HS6ST2: variants seen among roughly 807,000 people sequenced by gnomAD.
The protein encoded by HS6ST2 is heparan sulfate 6-O-sulfotransferase 2.
In HS6ST2, 17 loss-of-function variants were observed where a neutral mutation model predicts 33.0. The ratio of observed to expected loss-of-function variants is 0.52; its 90% CI spans 0.35 to 0.77. The LOEUF is 0.77. Among genes scored for constraint, HS6ST2 ranks in the 30% least tolerant of loss-of-function variants. The pLI is 0.01. For missense variants in HS6ST2, 519 were observed against 551.7 expected (o/e 0.94, Z 0.59); for synonymous variants, 248 against 237.1 (o/e 1.05, Z -0.42).
intron 3 of HS6ST2, among the ~76,000 whole-genome samples, chrX:132,698,696 T>C (rs2064120942): frequency 1.8e-5 from 2 of 111,564 alleles, no homozygotes; most frequent in South Asian, 7.6e-4. Context: ...CCACAAAGGA[T>C]AAGTTTGCCC....
intron 2 of HS6ST2, among the ~76,000 whole-genome samples, chrX:132,879,600 C>G (rs1412062387): frequency 8.9e-6 from 1 of 111,945 alleles, no homozygotes; most frequent in African/African-American, 3.2e-5. Context: ...GGAGGCTTAG[C>G]CAGGCTGTTA....
chrX:132,953,448 A>G (rs1391729440), intron 2 of HS6ST2, among the ~76,000 whole-genome samples: 1 of 111,736 alleles, frequency 8.9e-6, no homozygotes, highest in African/African-American at 3.3e-5. Flanking sequence ...CCAAGCACTT[A>G]ACCATCCGCG....
At chrX:132,893,105 C>T (rs1195918383) in intron 2 of HS6ST2, among the ~76,000 whole-genome samples, 2 of 111,826 alleles carry the variant, frequency 1.8e-5, no homozygotes, top group Non-Finnish European at 3.8e-5. Context: ...GTACATACTG[C>T]GTTTGAGAAG....
intron 2 of HS6ST2, among the ~76,000 whole-genome samples, chrX:132,759,679 TA>T (rs201495874): frequency 1.8e-5 from 2 of 110,828 alleles, no homozygotes; most frequent in Non-Finnish European, 3.8e-5. Context: ...TTCACCCCAA[TA>T]AAAAAAAGCA....
At chrX:132,897,277 G>A (rs2066385399) in intron 2 of HS6ST2, among the ~76,000 whole-genome samples, 1 of 109,889 alleles carries the variant, frequency 9.1e-6, no homozygotes, top group Non-Finnish European at 1.9e-5. Context: ...GGGGGGAGCG[G>A]GGGCAAGGGA....
intron 2 of HS6ST2, among the ~76,000 whole-genome samples, chrX:132,857,524 C>A (rs1322183277): frequency 9.0e-6 from 1 of 110,644 alleles, no homozygotes. Flanking sequence ...AAAGTACATC[C>A]TTGTTATTTT....
intron 2 of HS6ST2, among the ~76,000 whole-genome samples, chrX:132,806,992 G>A (rs2065290003): frequency 9.1e-6 from 1 of 110,412 alleles, no homozygotes; most frequent in African/African-American, 3.3e-5. Context: ...TACAAATGAG[G>A]ACATTGAGAC....
chrX:132,864,321 T>G (rs1243200389), intron 2 of HS6ST2, among the ~76,000 whole-genome samples: 2 of 108,853 alleles, frequency 1.8e-5, no homozygotes, highest in Admixed American at 1.0e-4. Flanking sequence ...AAGGAGCACA[T>G]TCTAACCCAA....
At chrX:132,705,898 C>T (rs775208082) in intron 3 of HS6ST2, among the ~76,000 whole-genome samples, 3 of 112,099 alleles carry the variant, frequency 2.7e-5, no homozygotes, top group African/African-American at 9.7e-5. Flanking sequence ...CATAGAACAT[C>T]TCCTTTCACA....
At chrX:132,704,847 T>C (rs1320102161) in intron 3 of HS6ST2, among the ~76,000 whole-genome samples, 3 of 111,882 alleles carry the variant, frequency 2.7e-5, no homozygotes, top group Admixed American at 9.5e-5. Flanking sequence ...ACTTGTGCCT[T>C]GTTTTCAACC....
chrX:132,960,175 C>A (rs2067133441), upstream of HS6ST2, among the ~76,000 whole-genome samples: 1 of 111,909 alleles, frequency 8.9e-6, no homozygotes, highest in Admixed American at 9.4e-5. Flanking sequence ...TCCCCAAGAG[C>A]TCCCCTGGTG....
chrX:132,817,260 C>T (rs774539793), intron 2 of HS6ST2, among the ~76,000 whole-genome samples: 1 of 111,064 alleles, frequency 9.0e-6, no homozygotes, highest in South Asian at 3.8e-4. Flanking sequence ...GTTTGGGTGG[C>T]TTCTGGTTGG....
chrX:132,636,304 A>C (rs1250076361), intron 4 of HS6ST2, among the ~76,000 whole-genome samples: 1 of 111,784 alleles, frequency 8.9e-6, no homozygotes, highest in East Asian at 2.8e-4. Context: ...TAACAGATAT[A>C]CCATTTTATA....
At chrX:132,682,474 C>G (rs968457049) in intron 3 of HS6ST2, among the ~76,000 whole-genome samples, 1 of 111,498 alleles carries the variant, frequency 9.0e-6, no homozygotes, top group Non-Finnish European at 1.9e-5. Context: ...CTCAGGGAAT[C>G]CCAGAATTGG....
At chrX:132,938,885 G>A (rs2066855854) in intron 2 of HS6ST2, among the ~76,000 whole-genome samples, 2 of 112,095 alleles carry the variant, frequency 1.8e-5, no homozygotes. Context: ...GAATGTCTGA[G>A]ACTGGGTAAC....
At chrX:132,816,242 T>G (rs1209585404) in intron 2 of HS6ST2, among the ~76,000 whole-genome samples, 2 of 112,090 alleles carry the variant, frequency 1.8e-5, no homozygotes, top group Non-Finnish European at 3.8e-5. Context: ...ACTTTCTTCT[T>G]GTCATAGACG....
At chrX:132,639,421 G>C (rs1353868722) in intron 4 of HS6ST2, among the ~76,000 whole-genome samples, 2 of 111,503 alleles carry the variant, frequency 1.8e-5, no homozygotes, top group African/African-American at 6.5e-5. Flanking sequence ...TGTGAGTCTT[G>C]GTTCATTAAT....
chrX:132,892,012 A>T (rs2066319352), intron 2 of HS6ST2, among the ~76,000 whole-genome samples: 2 of 111,669 alleles, frequency 1.8e-5, no homozygotes, highest in Admixed American at 9.5e-5. Context: ...ACAGTGTAAA[A>T]GTGTTCCTAT....
intron 1 of HS6ST2, 77 bp from the exon 2 acceptor site, chrX:132,957,403 C>T (rs2067093456): frequency 3.9e-6 from 4 of 1,035,737 alleles, no homozygotes; most frequent in Non-Finnish European, 5.1e-6. Flanking sequence ...CGCCCCCTTC[C>T]CCTGGAGCCG....
Sources: allele counts gnomAD v4.1 joint callset (sites outside exome capture counted in the v4.1 genomes callset), GRCh38; gene constraint gnomAD v4.1.1; transcripts MANE v1.5; gene names NCBI Gene and HGNC (gene_info 2026-07-23, HGNC 2026-07-21).